DMRT1: variants seen among roughly 807,000 people sequenced by gnomAD.
DMRT1 encodes doublesex- and mab-3-related transcription factor 1.
DMRT1 carries 7 observed loss-of-function variants against 32.3 expected under a neutral mutation model. That is an observed-to-expected ratio of 0.22 (90% confidence interval 0.12 to 0.41). The LOEUF (loss-of-function observed/expected upper bound fraction) is 0.41. DMRT1 is among the 10% of genes least tolerant of loss of function. The pLI is 1.00. For missense variants in DMRT1, 625 were observed against 500.5 expected (o/e 1.25, Z -2.37); for synonymous variants, 278 against 206.1 (o/e 1.35, Z -2.99).
At chr9:849,856 T>C (rs1437728330) in intron 2 of DMRT1, among the ~76,000 whole-genome samples, 4 of 151,878 alleles carry the variant, frequency 2.6e-5, no homozygotes, top group Non-Finnish European at 5.9e-5. Context: ...AGAGTTTTGC[T>C]CTTGTTGCCC....
chr9:930,772 G>A (rs1258750088), intron 4 of DMRT1, among the ~76,000 whole-genome samples: 1 of 122,202 alleles, frequency 8.2e-6, no homozygotes, highest in Non-Finnish European at 1.5e-5. Context: ...TCAAACTCTG[G>A]GCCTCAAGCG....
intron 2 of DMRT1, among the ~76,000 whole-genome samples, chr9:853,754 C>T (rs1401436858): frequency 6.6e-6 from 1 of 151,698 alleles, no homozygotes. Flanking sequence ...CTCCGCCTGC[C>T]TCGGCCTCCC....
chr9:966,058 C>A (rs73382420), intron 4 of DMRT1, among the ~76,000 whole-genome samples: 2 of 152,224 alleles, frequency 1.3e-5, no homozygotes, highest in African/African-American at 4.8e-5. Flanking sequence ...AGCTCTTAGT[C>A]GGCTCTCCAG....
In DMRT1 at chr9:842,029, G is replaced by T; in HGVS notation, c.191G>T (p.Gly64Val). ...TCCGGCTCCGGGGCGTCGGACCTGG[G>T]TGCCGGGAGCAAGAAGTCCCCGCGG... ...GGSGSGASDLGAGSKKSPRLP... is the reference protein window; with the variant it reads ...GGSGSGASDLVAGSKKSPRLP... The change falls in exon 1 of 5, where the codon GGT (glycine) becomes GTT (valine). Residue 64 changes from glycine to valine, a missense_variant. Around this residue, in one of 3 missense-constraint regions of DMRT1, gnomAD observed 201 missense variants for 152.0 expected, o/e 1.32. Transcript: ENST00000382276. The T allele has an allele frequency of 1.9e-6, 3 of 1,548,344 alleles. No individual in the cohort carries two copies. Among genetic ancestry groups the T allele is most frequent in the Non-Finnish European group, 2.6e-6 (3 of 1,149,418 alleles).
chr9:959,618 C>T (rs35541630), intron 4 of DMRT1, among the ~76,000 whole-genome samples: 4,366 of 152,270 alleles, frequency 0.029, 222 homozygotes, highest in African/African-American at 0.099. Context: ...CACTCTGCCT[C>T]CTGGGTTGAA....
intron 3 of DMRT1, among the ~76,000 whole-genome samples, chr9:907,336 G>T (rs892574027): frequency 2.0e-5 from 3 of 152,158 alleles, no homozygotes; most frequent in African/African-American, 7.2e-5. Flanking sequence ...GGAAGTCCGG[G>T]TCTGTATTTT....
chr9:942,147 G>C (rs531125258), intron 4 of DMRT1, among the ~76,000 whole-genome samples: 1 of 152,236 alleles, frequency 6.6e-6, no homozygotes, highest in East Asian at 1.9e-4. Flanking sequence ...CTAGGCCTTG[G>C]TCTTTTTGGA....
In DMRT1 at chr9:860,806, T is replaced by A. The variant is rs143214018; in HGVS notation, c.538+13663T>A. On this transcript the variant is annotated intron_variant, in intron 2 of 4. Coordinates refer to ENST00000382276, the MANE Select transcript of DMRT1 (RefSeq NM_021951.3). ...CCCAAATGACAGTGAGCCATTCTCA[T>A]CAAGATCTGGGGAAAGAGCATTTGA... Among the ~76,000 whole-genome samples, 1,147 of 152,302 alleles carry A rather than the reference T, an allele frequency of 7.5e-3. 12 individuals carry two copies. The highest frequency in any genetic ancestry group is 0.026 in the African/African-American group (1,101 of 41,562).
chr9:887,792 G>T (rs1269809338), intron 2 of DMRT1, among the ~76,000 whole-genome samples: 1 of 152,112 alleles, frequency 6.6e-6, no homozygotes, highest in Admixed American at 6.6e-5. Context: ...GCGGCACTTG[G>T]ATTATTGCTT....
intron 2 of DMRT1, among the ~76,000 whole-genome samples, chr9:873,273 T>C (rs1816351653): frequency 6.6e-6 from 1 of 152,146 alleles, no homozygotes; most frequent in African/African-American, 2.4e-5. Flanking sequence ...TTTGTTTGTT[T>C]TTTTAAGTTT....
At chr9:958,107 G>GTA (rs1363134513) in intron 4 of DMRT1, among the ~76,000 whole-genome samples, 1 of 152,186 alleles carries the variant, frequency 6.6e-6, no homozygotes, top group Non-Finnish European at 1.5e-5. Context: ...AGTTGGCATA[G>GTA]TATGATAAGC....
chr9:858,310 T>A (rs980203946), intron 2 of DMRT1, among the ~76,000 whole-genome samples: 1 of 152,128 alleles, frequency 6.6e-6, no homozygotes, highest in Non-Finnish European at 1.5e-5. Flanking sequence ...TTGTGCTGCC[T>A]TACGCTTGCT....
At position 876,420 on chromosome 9, in the gene DMRT1, T is replaced by C. The variant is rs529219818; in HGVS notation, c.539-17492T>C. 2.0e-4 allele frequency among the ~76,000 whole-genome samples: 31 copies of C among 152,268 alleles called. No homozygotes were observed. In the South Asian group the frequency reaches 6.0e-3, roughly 30 times the overall value. On this transcript the variant is annotated intron_variant, in intron 2 of 4. Transcript: ENST00000382276. ...GACCATCACAGTCTGTCTTTGGAGC[T>C]TAAGAACTTGACCTCTTTGCTTGAC...
intron 3 of DMRT1, among the ~76,000 whole-genome samples, chr9:914,771 C>T (rs1053111586): frequency 2.0e-5 from 3 of 151,978 alleles, no homozygotes; most frequent in Non-Finnish European, 4.4e-5. Flanking sequence ...AGAAGTAATC[C>T]ACTCATGAGA....
intron 2 of DMRT1, among the ~76,000 whole-genome samples, chr9:856,219 C>T (rs1432028885): frequency 1.3e-5 from 2 of 152,140 alleles, no homozygotes; most frequent in African/African-American, 2.4e-5. Context: ...GCCCGGTGAC[C>T]TCTGAATTTT....
intron 2 of DMRT1, among the ~76,000 whole-genome samples, chr9:865,379 A>ATC (rs1815935633): frequency 6.6e-6 from 1 of 152,136 alleles, no homozygotes; most frequent in South Asian, 2.1e-4. Flanking sequence ...AATAATATCT[A>ATC]TCTAGGATAT....
At position 921,110 on chromosome 9, in the gene DMRT1, CTCTA is replaced by C. The variant is rs1314869875; in HGVS notation, c.967+4207_967+4210del. On this transcript the variant is annotated intron_variant, in intron 4 of 4. Coordinates refer to ENST00000382276, the MANE Select transcript of DMRT1 (RefSeq NM_021951.3). Reference sequence around the variant, plus strand: ...ATTCACAGAGTTGGGCAACCGTCACCTCTATCTGATTGCAAGGCACTTTCATCAC... The same window carrying C: ...ATTCACAGAGTTGGGCAACCGTCACCTCTGATTGCAAGGCACTTTCATCAC... Among the ~76,000 whole-genome samples the C allele has an allele frequency of 7.2e-5, 11 of 152,108 alleles. No individual in the cohort carries two copies. In the South Asian group the frequency reaches 1.7e-3, roughly 23 times the overall value.
intron 2 of DMRT1, among the ~76,000 whole-genome samples, chr9:863,529 CAGCAAGGAATGGGACCT>C: frequency 6.6e-6 from 1 of 152,242 alleles, no homozygotes; most frequent in Non-Finnish European, 1.5e-5. Flanking sequence ...AGCTGACAGC[CAGCAAGGAATGGGACCT>C]AGTCCTACTA....
intron 4 of DMRT1, among the ~76,000 whole-genome samples, chr9:947,552 C>A (rs901786847): frequency 6.6e-6 from 1 of 152,230 alleles, no homozygotes; most frequent in Non-Finnish European, 1.5e-5. Flanking sequence ...TGGAGATTGG[C>A]GAAATCATAA....
Sources: allele counts gnomAD v4.1 joint callset (sites outside exome capture counted in the v4.1 genomes callset), GRCh38; gene constraint gnomAD v4.1.1; regional missense constraint gnomAD v4.1.1; transcripts MANE v1.5; gene names NCBI Gene and HGNC (gene_info 2026-07-23, HGNC 2026-07-21).